Variants in TAS2R1 observed in about 807,000 individuals in gnomAD.
TAS2R1 encodes the protein taste receptor type 2 member 1.
For missense variants in TAS2R1, 370 were observed against 353.4 expected (o/e 1.05, Z -0.38); for synonymous variants, 141 against 134.2 (o/e 1.05, Z -0.35).
intron 1 of TAS2R1, among the ~76,000 whole-genome samples, chr5:9,668,137 A>G (rs148344295): frequency 6.6e-6 from 1 of 152,344 alleles, no homozygotes; most frequent in East Asian, 1.9e-4. Context: ...CACAAATATC[A>G]ACAGCAGAAT....
At chr5:9,898,309 T>C in the TAS2R1 span, among the ~76,000 whole-genome samples, 3 of 152,164 alleles carry the variant, frequency 2.0e-5, no homozygotes, top group Non-Finnish European at 4.4e-5. Context: ...TTTAAAGTAC[T>C]TCCAATTTTA....
the TAS2R1 span, among the ~76,000 whole-genome samples, chr5:9,831,206 C>G: frequency 1.5e-4 from 23 of 152,144 alleles, no homozygotes; most frequent in East Asian, 4.5e-3. Flanking sequence ...CGTCTCAAGG[C>G]AATTTGAGAA....
At chr5:9,861,037 G>GTTTTGTTTTTTTTTTTT in the TAS2R1 span, among the ~76,000 whole-genome samples, 1 of 88,610 alleles carries the variant, frequency 1.1e-5, no homozygotes, top group African/African-American at 4.3e-5. Context: ...GGAAGATGAG[G>GTTTTGTTTTTTTTTTTT]TTTTTTTTTT....
chr5:9,649,957 A>G (rs1740268344), intron 2 of TAS2R1, among the ~76,000 whole-genome samples: 1 of 152,224 alleles, frequency 6.6e-6, no homozygotes, highest in Non-Finnish European at 1.5e-5. Flanking sequence ...ACTGGTCTGC[A>G]GGTAAATTTC....
intron 1 of TAS2R1, among the ~76,000 whole-genome samples, chr5:9,663,408 G>T (rs1740574545): frequency 6.6e-6 from 1 of 152,082 alleles, no homozygotes; most frequent in Non-Finnish European, 1.5e-5. Context: ...CAATGGAGGA[G>T]GAGAGATTTA....
the TAS2R1 span, among the ~76,000 whole-genome samples, chr5:9,794,729 T>C: frequency 5.3e-5 from 8 of 152,084 alleles, no homozygotes; most frequent in Admixed American, 1.3e-4. Context: ...CAGAAAGGGG[T>C]CACATTTTGC....
rs777234040 is a variant in TAS2R1 at position 9,628,403 on chromosome 5, G to T, written c.*730C>A. Among the ~76,000 whole-genome samples the T allele has an allele frequency of 1.3e-5, 2 of 152,142 alleles. No homozygotes were observed. Among genetic ancestry groups the T allele is most frequent in the Non-Finnish European group, 2.9e-5 (2 of 68,032 alleles). ...TTGTCTGTTCAGAGTGCACAGCTAG[G>T]AGAAATGGAAAACAGGCATTCAGTC... is the stretch of plus-strand genomic sequence containing the variant. On this transcript the variant is annotated 3_prime_UTR_variant, in exon 1 of 1. Coordinates refer to ENST00000382492, the MANE Select transcript of TAS2R1 (RefSeq NM_019599.3).
upstream of TAS2R1, chr5:9,714,112 A>C (rs1236780655): frequency 6.6e-6 from 1 of 152,224 alleles, no homozygotes; most frequent in Non-Finnish European, 1.5e-5. Context: ...CCTCATGTGC[A>C]CAAATGGCTT....
the TAS2R1 span, among the ~76,000 whole-genome samples, chr5:9,853,490 G>C: frequency 6.6e-6 from 1 of 152,192 alleles, no homozygotes; most frequent in East Asian, 1.9e-4. Flanking sequence ...ATGGAAACAG[G>C]TGGTAACTTC....
At chr5:9,756,774 T>C in the TAS2R1 span, among the ~76,000 whole-genome samples, 1 of 152,182 alleles carries the variant, frequency 6.6e-6, no homozygotes, top group East Asian at 1.9e-4. Flanking sequence ...GAAAGGGTTG[T>C]CAGGAGATTT....
chr5:9,714,910 G>A (rs922940844), upstream of TAS2R1, among the ~76,000 whole-genome samples: 22 of 152,344 alleles, frequency 1.4e-4, no homozygotes, highest in African/African-American at 4.8e-4. Context: ...TGTACATACA[G>A]TATCTATATA....
rs1561363839 is a variant in TAS2R1 at position 9,629,747 on chromosome 5, CAA to C, written c.164_165del (p.Leu55ArgfsTer?). On this transcript the variant is annotated frameshift_variant, in exon 3 of 3. Transcript: ENST00000506620. LOFTEE classifies it high-confidence loss of function. Reference sequence around the variant, plus strand: ...CAATAGAAAACGCCGAGCCATGTGGCAAGCCAAAGTTCCAATTCATTTATAAA... The same window carrying C: ...CAATAGAAAACGCCGAGCCATGTGGCGCCAAAGTTCCAATTCATTTATAAA... 6.2e-7 allele frequency: 1 copy of C among 1,613,890 alleles called. No homozygotes were observed. Among genetic ancestry groups the C allele is most frequent in the Non-Finnish European group, 8.5e-7 (1 of 1,179,926 alleles).
At chr5:9,764,428 G>T in the TAS2R1 span, among the ~76,000 whole-genome samples, 1 of 152,080 alleles carries the variant, frequency 6.6e-6, no homozygotes, top group African/African-American at 2.4e-5. Flanking sequence ...TAGCATTTTC[G>T]AGCTGTTCCC....
chr5:9,672,454 C>A (rs1740786822), intron 1 of TAS2R1, among the ~76,000 whole-genome samples: 1 of 152,012 alleles, frequency 6.6e-6, no homozygotes, highest in Non-Finnish European at 1.5e-5. Context: ...ACAAACGACC[C>A]CATCAAAAAG....
At chr5:9,778,810 T>A in the TAS2R1 span, among the ~76,000 whole-genome samples, 1 of 152,248 alleles carries the variant, frequency 6.6e-6, no homozygotes, top group Non-Finnish European at 1.5e-5. Flanking sequence ...GCTGATTTGA[T>A]CTTCTAGCCA....
chr5:9,706,694 G>C (rs1741619649), intron 1 of TAS2R1, among the ~76,000 whole-genome samples: 1 of 152,192 alleles, frequency 6.6e-6, no homozygotes, highest in Admixed American at 6.5e-5. Flanking sequence ...AAGGCAGGCA[G>C]AATAATGGAG....
the TAS2R1 span, among the ~76,000 whole-genome samples, chr5:9,737,128 A>G: frequency 4.9e-4 from 75 of 152,300 alleles, no homozygotes; most frequent in Admixed American, 4.9e-3. Context: ...CTCCATATGG[A>G]TTGTGAAAGT....
the TAS2R1 span, among the ~76,000 whole-genome samples, chr5:9,845,965 A>T: frequency 5.8e-3 from 891 of 152,356 alleles, 11 homozygotes; most frequent in African/African-American, 0.021. Flanking sequence ...AATGTAAAGG[A>T]ATAAATGAAA....
the TAS2R1 span, among the ~76,000 whole-genome samples, chr5:9,759,413 C>G: frequency 6.6e-6 from 1 of 152,168 alleles, no homozygotes; most frequent in Non-Finnish European, 1.5e-5. Context: ...GAAAGATCAA[C>G]AGATCAGTGC....
Sources: allele counts gnomAD v4.1 joint callset (sites outside exome capture counted in the v4.1 genomes callset), GRCh38; gene constraint gnomAD v4.1.1; transcripts MANE v1.5; gene names NCBI Gene and HGNC (gene_info 2026-07-23, HGNC 2026-07-21).